RALA: variants seen among roughly 807,000 people sequenced by gnomAD.
RALA encodes the protein RAS like proto-oncogene A, also known as ras-related protein Ral-A.
RALA carries 5 observed loss-of-function variants against 24.0 expected under a neutral mutation model. The ratio of observed to expected loss-of-function variants is 0.21; its 90% CI spans 0.11 to 0.44. The LOEUF is 0.44. Among genes scored for constraint, RALA ranks in the 20% least tolerant of loss-of-function variants. The pLI is 0.99. For missense variants in RALA, 95 were observed against 241.2 expected (o/e 0.39, Z 4.01); for synonymous variants, 77 against 83.8 (o/e 0.92, Z 0.44).
At chr7:39,666,007 G>A (rs775986956) in intron 1 of RALA, among the ~76,000 whole-genome samples, 2 of 152,126 alleles carry the variant, frequency 1.3e-5, no homozygotes, top group Non-Finnish European at 2.9e-5. Flanking sequence ...TTGAAAAAGT[G>A]TCTGACACAG....
chr7:39,627,782 A>G (rs1173090323), intron 1 of RALA, among the ~76,000 whole-genome samples: 2 of 152,216 alleles, frequency 1.3e-5, no homozygotes, highest in Admixed American at 6.5e-5. Context: ...CTTCTAGCCT[A>G]TGGTTGGAAC....
intron 1 of RALA, among the ~76,000 whole-genome samples, chr7:39,686,057 C>T (rs149739757): frequency 6.6e-6 from 1 of 151,996 alleles, no homozygotes; most frequent in African/African-American, 2.4e-5. Context: ...AATGCAAAAG[C>T]TAGCCAAGCA....
At chr7:39,628,412 C>T (rs570672982) in intron 1 of RALA, among the ~76,000 whole-genome samples, 47 of 141,160 alleles carry the variant, frequency 3.3e-4, no homozygotes, top group Non-Finnish European at 5.0e-4. Context: ...CACACACACA[C>T]ATTCTTTCTC....
At chr7:39,670,880 A>G (rs1226004629) in intron 1 of RALA, among the ~76,000 whole-genome samples, 4 of 152,026 alleles carry the variant, frequency 2.6e-5, no homozygotes, top group Non-Finnish European at 5.9e-5. Context: ...CTTTTAATAG[A>G]TCAATATTGA....
At chr7:39,696,999 A>G (rs1792933234) in intron 4 of RALA, 140 bp downstream of exon 4, 13 of 809,744 alleles carry the variant, frequency 1.6e-5, no homozygotes, top group Non-Finnish European at 5.8e-6. Context: ...CTGAATACTC[A>G]GATACATGTT....
rs188540595 is a variant in RALA at position 39,631,897 on chromosome 7, C to T, written c.-38+8072C>T. ...TTTGTTTGGCTTACGGTTCTGCAGG[C>T]TGTACTGGCATGACACCAACATCTG... is the stretch of plus-strand genomic sequence containing the variant. On this transcript the variant is annotated intron_variant, in intron 1 of 4. Coordinates refer to ENST00000005257, the MANE Select transcript of RALA (RefSeq NM_005402.4). Among the ~76,000 whole-genome samples the T allele has an allele frequency of 2.1e-4, 32 of 152,286 alleles. No homozygotes were observed. In the East Asian group the frequency reaches 5.6e-3, roughly 27 times the overall value.
chr7:39,627,287 TC>T (rs1791508485), intron 1 of RALA, among the ~76,000 whole-genome samples: 1 of 152,210 alleles, frequency 6.6e-6, no homozygotes, highest in South Asian at 2.1e-4. Context: ...AGAATTTGCA[TC>T]TTTGATTTAA....
chr7:39,697,524 T>G, intron 4 of RALA: 2 of 448,914 alleles, frequency 4.5e-6, no homozygotes, highest in South Asian at 3.1e-5. Context: ...GCACAGAATC[T>G]TAAAGGCCTC....
At chr7:39,660,545 C>A (rs915529820) in intron 1 of RALA, among the ~76,000 whole-genome samples, 1 of 151,910 alleles carries the variant, frequency 6.6e-6, no homozygotes, top group Admixed American at 6.6e-5. Context: ...TTTCTTTTCA[C>A]TTGCATTGAT....
chr7:39,658,013 G>A (rs1190599084), intron 1 of RALA, among the ~76,000 whole-genome samples: 1 of 152,114 alleles, frequency 6.6e-6, no homozygotes, highest in Non-Finnish European at 1.5e-5. Context: ...CTCTTTCTTT[G>A]AGTTAAGAGT....
intron 1 of RALA, among the ~76,000 whole-genome samples, chr7:39,652,323 A>G (rs534800462): frequency 3.3e-5 from 5 of 152,350 alleles, no homozygotes; most frequent in African/African-American, 7.2e-5. Flanking sequence ...TGGGACAAAC[A>G]TTCAAACTGT....
At chr7:39,690,729 G>A in intron 3 of RALA, 139 bp downstream of exon 3, 1 of 661,244 alleles carries the variant, frequency 1.5e-6, no homozygotes, top group Non-Finnish European at 2.5e-6. Flanking sequence ...TTTGATATCA[G>A]TATATGACTC....
intron 1 of RALA, among the ~76,000 whole-genome samples, chr7:39,640,574 C>G (rs1056020810): frequency 3.3e-5 from 5 of 152,160 alleles, no homozygotes; most frequent in Non-Finnish European, 4.4e-5. Flanking sequence ...GATATTTTCT[C>G]TCAGAGAGTG....
intron 1 of RALA, among the ~76,000 whole-genome samples, chr7:39,638,203 ATCCTGCTG>A (rs1183562329): frequency 2.6e-5 from 4 of 152,128 alleles, no homozygotes; most frequent in Non-Finnish European, 5.9e-5. Flanking sequence ...GCCTCAAGTG[ATCCTGCTG>A]CTTAAGCCTC....
intron 4 of RALA, among the ~76,000 whole-genome samples, chr7:39,697,088 T>G (rs1175246357): frequency 6.6e-6 from 1 of 152,224 alleles, no homozygotes. Flanking sequence ...GTACTTTTTT[T>G]CTTTTTAAAG....
intron 1 of RALA, among the ~76,000 whole-genome samples, chr7:39,653,099 G>A (rs930048979): frequency 6.6e-6 from 1 of 151,306 alleles, no homozygotes; most frequent in African/African-American, 2.4e-5. Flanking sequence ...GTGCGATCTC[G>A]GCTCACTGCA....
At chr7:39,651,568 T>G (rs1049281950) in intron 1 of RALA, among the ~76,000 whole-genome samples, 16 of 152,178 alleles carry the variant, frequency 1.1e-4, no homozygotes, top group African/African-American at 3.9e-4. Flanking sequence ...TATTTTTCCT[T>G]TTTCACTAAG....
Position 39,673,507 on chromosome 7 carries a change from A to T in RALA, c.-37-13124A>T, listed in dbSNP as rs143705639. Among the ~76,000 whole-genome samples the T allele has an allele frequency of 3.6e-3, 552 of 152,094 alleles. 2 individuals carry two copies. The highest frequency in any genetic ancestry group is 0.012 in the African/African-American group (517 of 41,484). ...GTGGTAATTTTATTCTTAGTTATAT[A>T]CTCTTTGTGAGTGAGGTTGTAAATT... On this transcript the variant is annotated intron_variant, in intron 1 of 4. Coordinates refer to ENST00000005257, the MANE Select transcript of RALA (RefSeq NM_005402.4).
intron 1 of RALA, among the ~76,000 whole-genome samples, chr7:39,674,041 G>GTAAAAAAATAAATAAATAAA (rs751747445): frequency 2.0e-5 from 1 of 48,896 alleles, no homozygotes; most frequent in African/African-American, 8.9e-5. Context: ...GGCATGCACT[G>GTAAAAAAATAAATAAATAAA]TAAATAAATA....
Sources: gnomAD v4.1 joint callset for allele counts (sites outside exome capture counted in the v4.1 genomes callset) on GRCh38, gnomAD v4.1.1 for gene constraint, MANE v1.5 for transcripts, NCBI Gene and HGNC (gene_info 2026-07-23, HGNC 2026-07-21) for gene names.